The following TOP1 variants were observed in gnomAD, a reference collection of about 807,000 sequenced individuals.
TOP1 encodes DNA topoisomerase 1.
Under a neutral mutation model 111.1 loss-of-function variants are expected in TOP1, and 10 were observed. That is an observed-to-expected ratio of 0.09 (90% CI 0.06 to 0.15). The LOEUF is 0.15. Ranked by LOEUF, TOP1 falls within the 10% of genes least tolerant of loss-of-function variation. TOP1 has a pLI of 1.00. For synonymous variants in TOP1, 271 were observed against 302.9 expected, an observed-to-expected ratio of 0.89 and a Z score of 1.10; for missense variants, 474 against 926.7, an observed-to-expected ratio of 0.51 and a Z score of 6.34.
chr20:41,049,563 C>G (rs2033376839), intron 2 of TOP1, among the ~76,000 whole-genome samples: 1 of 152,168 alleles, frequency 6.6e-6, no homozygotes, highest in African/African-American at 2.4e-5. Flanking sequence ...GGAGGCAAGT[C>G]CAGTGAAACT....
chr20:41,097,487 TC>T lies in TOP1; in HGVS notation c.852+147del. 1.3e-6 allele frequency: 1 copy of T among 799,242 alleles called. No homozygotes were observed. Among genetic ancestry groups the T allele is most frequent in the Admixed American group, 3.1e-5 (1 of 31,994 alleles). The allele number at this position is 799,242 out of a possible 1,614,324, so 49.5% of individuals were successfully genotyped here. ...ATTTAAACTTGCGTATTTTTTGTCT[TC>T]ATTTACTATATTATGTAGGGTTTCT... is the stretch of plus-strand genomic sequence containing the variant. On this transcript the variant is annotated intron_variant, in intron 10 of 20. Transcript: ENST00000361337. This position sits in a 1 kb window ranked among gnomAD's most constrained non-coding sequence, Gnocchi z 4.2.
Position 41,030,028 on chromosome 20 carries a change from A to C in TOP1, c.58+573A>C, listed in dbSNP as rs1568667064. On this transcript the variant is annotated intron_variant, in intron 2 of 20. Coordinates refer to ENST00000361337, the MANE Select transcript of TOP1 (RefSeq NM_003286.4). The surrounding 1 kb of genome is among the most constrained non-coding windows in gnomAD (Gnocchi z 4.1). ...GAAAGATTTCCTTAAGCAACTGTTA[A>C]TTTTTTTTTTGATAGGCTGTTTATG... 3.3e-5 allele frequency among the ~76,000 whole-genome samples: 5 copies of C among 150,372 alleles called. No individual in the cohort carries two copies. In the East Asian group the frequency reaches 9.7e-4, roughly 29 times the overall value.
chr20:41,054,839 C>CT (rs979800259), intron 2 of TOP1, among the ~76,000 whole-genome samples: 1 of 151,652 alleles, frequency 6.6e-6, no homozygotes, highest in South Asian at 2.1e-4. Flanking sequence ...TTTTTTCTTT[C>CT]TTTTTTTTAC....
rs1424354620 is a variant in TOP1, at chr20:41,124,105, C to T, written c.*808C>T. On this transcript the variant is annotated 3_prime_UTR_variant, in exon 21 of 21. Transcript: ENST00000361337. The surrounding 1 kb of genome is among the most constrained non-coding windows in gnomAD (Gnocchi z 5.4). ...CCCATCATCCTTTGTTCTGAGCATT[C>T]GCTGTACCCTTTAAGATATCCATCT... is the stretch of plus-strand genomic sequence containing the variant. The T allele has an allele frequency of 1.3e-5, 3 of 233,060 alleles. No individual in the cohort carries two copies. The highest frequency in any genetic ancestry group is 2.2e-5 in the African/African-American group (1 of 45,296). 14.4% of individuals were successfully genotyped at this position (233,060 alleles called of 1,614,324 possible).
At position 41,061,506 on chromosome 20, in the gene TOP1, A is replaced by G; in HGVS notation, c.155+16A>G. On this transcript the variant is annotated intron_variant, in intron 3 of 20. Coordinates refer to ENST00000361337, the MANE Select transcript of TOP1 (RefSeq NM_003286.4). This position sits in a 1 kb window ranked among gnomAD's most constrained non-coding sequence, Gnocchi z 4.6. Reference sequence around the variant, plus strand: ...ATAGCAACAGGTAAGGGTGGAATCAAGCAAGTCCCTCATCATTCAGCAGTG... The same window carrying G: ...ATAGCAACAGGTAAGGGTGGAATCAGGCAAGTCCCTCATCATTCAGCAGTG... 5 of 1,569,324 alleles carry G rather than the reference A, an allele frequency of 3.2e-6. No individual in the cohort carries two copies. Among genetic ancestry groups the G allele is most frequent in the Non-Finnish European group, 4.3e-6 (5 of 1,154,860 alleles).
chr20:41,088,761 C>G (rs183956067), intron 8 of TOP1, among the ~76,000 whole-genome samples: 38 of 152,120 alleles, frequency 2.5e-4, no homozygotes, highest in African/African-American at 8.4e-4. Flanking sequence ...CAATTTCATA[C>G]CTGAAAAAGT....
At position 41,080,103 on chromosome 20, in the gene TOP1, T is replaced by G. The variant is rs1475341585; in HGVS notation, c.354T>G (p.Asp118Glu). The G allele has an allele frequency of 6.2e-7, 1 of 1,611,112 alleles. No individual in the cohort carries two copies. The highest frequency in any genetic ancestry group is 8.5e-7 in the Non-Finnish European group (1 of 1,178,628). Residue 118 changes from aspartate to glutamate, a missense_variant, in exon 6 of 21, where the codon GAT (aspartate) becomes GAG (glutamate). Asp to Glu is a conservative substitution (Grantham distance 45, BLOSUM62 2). Transcript: ENST00000361337. The surrounding 1 kb of genome is among the most constrained non-coding windows in gnomAD (Gnocchi z 5.0). ...NGFSSPPQIK[D>E]EPEDDGYFVP... is the part of the protein sequence containing the mutation. ...TCTTTAGTCCACCACAAATTAAAGATGAACCTGAAGATGATGGCTATTTTG... is the reference window on the plus strand; with the variant it reads ...TCTTTAGTCCACCACAAATTAAAGAGGAACCTGAAGATGATGGCTATTTTG...
At position 41,101,027 on chromosome 20, in the gene TOP1, A is replaced by G. The variant is rs1454341870; in HGVS notation, c.1164-182A>G. The stretch of plus-strand genomic sequence containing the variant: ...GTTTATTTCTGGAATTTTGTATTGA[A>G]TATTTTCGGATGACAGTTGGCTGAG... On this transcript the variant is annotated intron_variant, in intron 12 of 20. Transcript: ENST00000361337. The surrounding 1 kb of genome is among the most constrained non-coding windows in gnomAD (Gnocchi z 4.1). The G allele has an allele frequency of 1.9e-5, 11 of 591,854 alleles. No individual in the cohort carries two copies. Among genetic ancestry groups the G allele is most frequent in the Admixed American group, 3.0e-5 (1 of 33,628 alleles). The allele number at this position is 591,854 out of a possible 1,614,324, so 36.7% of individuals were successfully genotyped here. A position where few individuals can be genotyped will look rare whatever the true frequency, so the allele number is the denominator to read the frequency against.
chr20:41,121,667 C>G lies in TOP1; in HGVS notation c.1951-29C>G. ...GTGGAGCCATTTTTCCTCTACAGCT[C>G]ATAACCTTACCACTATTATTTCCCC... is the stretch of plus-strand genomic sequence containing the variant. On this transcript the variant is annotated intron_variant, in intron 18 of 20. Transcript: ENST00000361337. The surrounding 1 kb of genome is among the most constrained non-coding windows in gnomAD (Gnocchi z 4.2). 1.3e-6 allele frequency: 2 copies of G among 1,586,136 alleles called. No homozygotes were observed. Among genetic ancestry groups the G allele is most frequent in the Non-Finnish European group, 1.7e-6 (2 of 1,154,648 alleles).
Position 41,101,095 on chromosome 20 carries a change from G to A in TOP1, c.1164-114G>A. On this transcript the variant is annotated intron_variant, in intron 12 of 20. Transcript: ENST00000361337. This position sits in a 1 kb window ranked among gnomAD's most constrained non-coding sequence, Gnocchi z 4.1. Reference sequence around the variant, plus strand: ...ATAAGGTGGGACTACTGTATTGACTGTTAAGAAGGAAACTTGGAAAATTAT... The same window carrying A: ...ATAAGGTGGGACTACTGTATTGACTATTAAGAAGGAAACTTGGAAAATTAT... The A allele has an allele frequency of 8.7e-7, 1 of 1,153,270 alleles. No individual in the cohort carries two copies. Among genetic ancestry groups the A allele is most frequent in the Non-Finnish European group, 1.3e-6 (1 of 791,550 alleles). The allele number at this position is 1,153,270 out of a possible 1,614,324, so 71.4% of individuals were successfully genotyped here.
At position 41,080,146 on chromosome 20, in the gene TOP1, A is replaced by C. The variant is rs1412658739; in HGVS notation, c.397A>C (p.Ile133Leu). 2.5e-6 allele frequency: 4 copies of C among 1,610,668 alleles called. No homozygotes were observed. The highest frequency in any genetic ancestry group is 1.7e-5 in the Admixed American group (1 of 59,682). ...CTATTTTGTTCCTCCTAAAGAGGAT[A>C]TAAAGCCATTAAAGAGACCTCGAGA... ...DGYFVPPKED[I>L]KPLKRPRDED... The change falls in exon 6 of 21, where the codon ATA (isoleucine) becomes CTA (leucine). Residue 133 changes from isoleucine to leucine, a missense_variant. This residue lies in a region of TOP1 where 185 missense variants were observed against 226.3 expected (regional missense o/e 0.82). Coordinates refer to ENST00000361337, the MANE Select transcript of TOP1 (RefSeq NM_003286.4). This position sits in a 1 kb window ranked among gnomAD's most constrained non-coding sequence, Gnocchi z 5.0.
At chr20:41,099,210 T>C (rs2034024909) in intron 11 of TOP1, among the ~76,000 whole-genome samples, 1 of 152,220 alleles carries the variant, frequency 6.6e-6, no homozygotes, top group Non-Finnish European at 1.5e-5. Context: ...GTTTAAAAAT[T>C]AATGCATTAC....
rs2033962186 is a variant in TOP1, at chr20:41,094,744, T to TA, written c.730+2158dup. On this transcript the variant is annotated intron_variant, in intron 9 of 20. Transcript: ENST00000361337. This position sits in a 1 kb window ranked among gnomAD's most constrained non-coding sequence, Gnocchi z 4.4. ...CCTACTCTCTGGGGAGGAGAATTCT[T>TA]AGACTCCTTTAGAACTTGCCAGGGA... 6.6e-6 allele frequency among the ~76,000 whole-genome samples: 1 copy of TA among 152,200 alleles called. No homozygotes were observed. The highest frequency in any genetic ancestry group is 1.5e-5 in the Non-Finnish European group (1 of 68,026).
rs182109668 is a variant in TOP1 at position 41,112,141 on chromosome 20, C to G, written c.1309-641C>G. Among the ~76,000 whole-genome samples, 193 of 152,226 alleles carry G rather than the reference C, an allele frequency of 1.3e-3. 2 individuals are homozygous for G. The East Asian group carries it at 0.028, about 22-fold the overall frequency. ...AAAATGGTGAATAATTATGGCTGTTCCTGGAAGTCATTGTGTCCTTAGTAA... is the reference window on the plus strand; with the variant it reads ...AAAATGGTGAATAATTATGGCTGTTGCTGGAAGTCATTGTGTCCTTAGTAA... On this transcript the variant is annotated intron_variant, in intron 13 of 20. Coordinates refer to ENST00000361337, the MANE Select transcript of TOP1 (RefSeq NM_003286.4). This position sits in a 1 kb window ranked among gnomAD's most constrained non-coding sequence, Gnocchi z 5.8.
At chr20:41,055,627 C>T (rs2033460753) in intron 2 of TOP1, among the ~76,000 whole-genome samples, 1 of 152,148 alleles carries the variant, frequency 6.6e-6, no homozygotes, top group Non-Finnish European at 1.5e-5. Context: ...TGCCAAGGCC[C>T]CTTGTTCCCC....
Position 41,077,569 on chromosome 20 carries a change from T to G in TOP1, c.280-13T>G, listed in dbSNP as rs735114. ...CCTTTCAAGGTACTAGTTACTGTTG[T>G]TTTACTTTTCAGGTTCGAGCCTCTG... On this transcript the variant is annotated splice_polypyrimidine_tract_variant and intron_variant, in intron 4 of 20. Coordinates refer to ENST00000361337, the MANE Select transcript of TOP1 (RefSeq NM_003286.4). 2.6e-4 allele frequency: 414 copies of G among 1,613,286 alleles called. No homozygotes were observed. The African/African-American group carries it at 4.7e-3, about 18-fold the overall frequency.
rs35774143 is a variant in TOP1, at chr20:41,095,348, A to AT, written c.731-1863dup. On this transcript the variant is annotated intron_variant, in intron 9 of 20. Transcript: ENST00000361337. The surrounding 1 kb of genome is among the most constrained non-coding windows in gnomAD (Gnocchi z 4.6). ...GATGTGAACCACCATGCTCAGCCAC[A>AT]TTTTTTTTTAAATGGTGTTAACAGT... is the stretch of plus-strand genomic sequence containing the variant. Among the ~76,000 whole-genome samples the AT allele has an allele frequency of 6.6e-6, 1 of 151,060 alleles. No individual in the cohort carries two copies. Among genetic ancestry groups the AT allele is most frequent in the Non-Finnish European group, 1.5e-5 (1 of 67,730 alleles).
In TOP1 at chr20:41,071,938, C is replaced by T. The variant is rs1013412850; in HGVS notation, c.156-4233C>T. 1.3e-5 allele frequency among the ~76,000 whole-genome samples: 2 copies of T among 152,190 alleles called. No homozygotes were observed. Among genetic ancestry groups the T allele is most frequent in the African/African-American group, 4.8e-5 (2 of 41,442 alleles). ...GACCATTGCAGAAGTTCTAGGACTG[C>T]TACTGTCTGTATTTTTGTCCTTCAG... On this transcript the variant is annotated intron_variant, in intron 3 of 20. Coordinates refer to ENST00000361337, the MANE Select transcript of TOP1 (RefSeq NM_003286.4). This position sits in a 1 kb window ranked among gnomAD's most constrained non-coding sequence, Gnocchi z 4.3.
Position 41,078,941 on chromosome 20 carries a change from C to G in TOP1, c.336-1144C>G, listed in dbSNP as rs1406561116. Among the ~76,000 whole-genome samples the G allele has an allele frequency of 6.6e-6, 1 of 152,126 alleles. No homozygotes were observed. The highest frequency in any genetic ancestry group is 1.5e-5 in the Non-Finnish European group (1 of 68,028). ...AAGTAACCCTTCCCACAGTTTTTGT[C>G]TTCAGTGTGACAAACTTAGGATCTA... On this transcript the variant is annotated intron_variant, in intron 5 of 20. Transcript: ENST00000361337. The surrounding 1 kb of genome is among the most constrained non-coding windows in gnomAD (Gnocchi z 5.3).
Sources: allele counts gnomAD v4.1 joint callset (sites outside exome capture counted in the v4.1 genomes callset), GRCh38; gene constraint gnomAD v4.1.1; regional missense constraint gnomAD v4.1.1; non-coding constraint Gnocchi (gnomAD v3.1); transcripts MANE v1.5; gene names NCBI Gene and HGNC (gene_info 2026-07-23, HGNC 2026-07-21).